The following NIN variants were observed in gnomAD, a reference collection of about 807,000 sequenced individuals.
NIN encodes the protein glycogen synthase kinase 3 beta-interacting protein.
NIN carries 137 observed loss-of-function variants against 257.6 expected under a neutral mutation model. That is an observed-to-expected ratio of 0.53 (90% confidence interval 0.46 to 0.61). The LOEUF is 0.61. Among genes scored for constraint, NIN ranks in the 20% least tolerant of loss-of-function variants. The pLI is 0.00. For synonymous variants in NIN, 918 were observed against 919.8 expected, an observed-to-expected ratio of 1.00 and a Z score of 0.04; for missense variants, 2,439 against 2,501.2, an observed-to-expected ratio of 0.98 and a Z score of 0.53.
At chr14:50,827,323 G>A (rs755151932) in intron 2 of NIN, among the ~76,000 whole-genome samples, 1 of 152,214 alleles carries the variant, frequency 6.6e-6, no homozygotes, top group East Asian at 1.9e-4. Context: ...CTGTCAGAAT[G>A]CCTCCTCTCT....
chr14:50,751,213 A>G (rs2041775158), intron 21 of NIN, among the ~76,000 whole-genome samples: 1 of 152,190 alleles, frequency 6.6e-6, no homozygotes, highest in Non-Finnish European at 1.5e-5. Context: ...TTGCAATTAG[A>G]AACAGTGCTG....
rs567459489 is a variant in NIN, at chr14:50,787,559, G to C, written c.435+5153C>G. Among the ~76,000 whole-genome samples, 10 of 152,254 alleles carry C rather than the reference G, an allele frequency of 6.6e-5. No individual in the cohort carries two copies. The South Asian group carries it at 2.1e-3, about 32-fold the overall frequency. ...TCAAGAAGGTGCCCTTTGTTAGTCT[G>C]GATTAATTCAGAATAGAAATGGCCA... On this transcript the variant is annotated intron_variant, in intron 5 of 30. Transcript: ENST00000530997.
chr14:50,794,533 G>C, intron 4 of NIN: 12 of 965,622 alleles, frequency 1.2e-5, no homozygotes, highest in Non-Finnish European at 1.5e-5. Flanking sequence ...ATGCTAGTCA[G>C]ATAAGAGGCA....
At chr14:50,731,112 T>C (rs1057383515) in intron 28 of NIN, 1 of 315,832 alleles carries the variant, frequency 3.2e-6, no homozygotes, top group Non-Finnish European at 6.2e-6. Context: ...TAAGAGCATA[T>C]GAAAGACACA....
At chr14:50,815,591 A>G (rs2044854488) in intron 3 of NIN, among the ~76,000 whole-genome samples, 1 of 152,252 alleles carries the variant, frequency 6.6e-6, no homozygotes, top group Non-Finnish European at 1.5e-5. Context: ...ATATGCATGC[A>G]TATGTTCATT....
intron 3 of NIN, among the ~76,000 whole-genome samples, chr14:50,816,213 AGGT>A (rs1480259422): frequency 1.4e-5 from 2 of 147,924 alleles, no homozygotes; most frequent in Non-Finnish European, 3.0e-5. Flanking sequence ...TGGACCTGTG[AGGT>A]GGGGGGAGGG....
chr14:50,792,713 T>A lies in NIN; in HGVS notation c.434A>T (p.Glu145Val), dbSNP rs1349605245. The A allele has an allele frequency of 6.2e-7, 1 of 1,614,126 alleles. No individual in the cohort carries two copies. The highest frequency in any genetic ancestry group is 1.7e-5 in the Admixed American group (1 of 60,018). The change falls in exon 5 of 31, where the codon GAG becomes GTG. Residue 145 changes from glutamate (E) to valine (V), a missense_variant and splice_region_variant. By Grantham distance (121) the Glu-to-Val change is moderately radical (BLOSUM62 -2). This residue lies in a region of NIN where 387 missense variants were observed against 427.3 expected (regional missense o/e 0.91). Coordinates refer to ENST00000530997, the MANE Select transcript of NIN (RefSeq NM_020921.4). ...PSHIPAGDCS[E>V]HWKTQRSEEY... ...GAACGTGCATGCCCGATTCCTTACC[T>A]CACTGCAGTCACCGGCTGGGATGTG...
intron 4 of NIN, among the ~76,000 whole-genome samples, chr14:50,797,264 G>A (rs1319094433): frequency 6.6e-6 from 1 of 152,172 alleles, no homozygotes; most frequent in East Asian, 1.9e-4. Flanking sequence ...AAAATGACCT[G>A]AGGCCATTTC....
At position 50,745,203 on chromosome 14, in the gene NIN, C is replaced by T. The variant is rs568448397; in HGVS notation, c.5065-838G>A. Among the ~76,000 whole-genome samples the T allele has an allele frequency of 8.5e-5, 13 of 152,212 alleles. No homozygotes were observed. The East Asian group carries it at 1.9e-3, about 23-fold the overall frequency. The stretch of plus-strand genomic sequence containing the variant: ...ATTTTGGGCTGGATAATTCTTCAGG[C>T]GTTGGGGGTCGCGGGGCATTCTGGA... On this transcript the variant is annotated intron_variant, in intron 22 of 30. Transcript: ENST00000530997.
chr14:50,781,482 T>A (rs1318291168), intron 5 of NIN, among the ~76,000 whole-genome samples: 1 of 152,242 alleles, frequency 6.6e-6, no homozygotes, highest in Non-Finnish European at 1.5e-5. Flanking sequence ...GATGCTCCAA[T>A]ATACTGTTTC....
At chr14:50,760,493 T>C (rs888921612) in intron 16 of NIN, 134 bp from the exon 17 acceptor site, 3 of 953,112 alleles carry the variant, frequency 3.1e-6, no homozygotes, top group Admixed American at 2.9e-5. Flanking sequence ...CTATCTTGTT[T>C]TAAAGTAACT....
chr14:50,772,216 A>G, intron 9 of NIN, 85 bp downstream of exon 9: 1 of 1,252,466 alleles, frequency 8.0e-7, no homozygotes, highest in South Asian at 1.6e-5. Context: ...AAGAAAGAAA[A>G]TCAAATCACA....
chr14:50,727,534 T>C, intron 29 of NIN: 1 of 1,247,184 alleles, frequency 8.0e-7, no homozygotes, highest in Non-Finnish European at 1.0e-6. Context: ...GACATAATAC[T>C]GCAAAGGTTT....
In NIN at chr14:50,811,165, G is replaced by A. The variant is rs1397628062; in HGVS notation, c.184-4347C>T. ...CTCTTGTCACCCAGGCTGGAGTGCA[G>A]TGGCGCAATCTTGGCTCACTGCAAC... On this transcript the variant is annotated intron_variant, in intron 3 of 30. Coordinates refer to ENST00000530997, the MANE Select transcript of NIN (RefSeq NM_020921.4). Among the ~76,000 whole-genome samples the A allele has an allele frequency of 7.3e-5, 11 of 150,056 alleles. No homozygotes were observed. The East Asian group carries it at 1.8e-3, about 25-fold the overall frequency.
Position 50,720,423 on chromosome 14 carries a change from G to A in NIN, c.*3040C>T. 4.7e-6 allele frequency: 1 copy of A among 212,050 alleles called. No homozygotes were observed. Among genetic ancestry groups the A allele is most frequent in the Non-Finnish European group, 9.6e-6 (1 of 104,526 alleles). 13.1% of individuals were successfully genotyped at this position (212,050 alleles called of 1,614,324 possible). The stretch of plus-strand genomic sequence containing the variant: ...AATTCATTTCTCACATGTTAAAAAA[G>A]CAAAGTCTGCCATAAACCCTTAGAG... On this transcript the variant is annotated 3_prime_UTR_variant, in exon 31 of 31. Coordinates refer to ENST00000530997, the MANE Select transcript of NIN (RefSeq NM_020921.4).
intron 3 of NIN, among the ~76,000 whole-genome samples, chr14:50,811,508 T>A (rs764341372): frequency 6.7e-6 from 1 of 148,510 alleles, no homozygotes; most frequent in African/African-American, 2.5e-5. Context: ...CTCTTGTATA[T>A]GATAAAACTA....
intron 9 of NIN, among the ~76,000 whole-genome samples, 199 bp from the exon 10 acceptor site, chr14:50,771,667 GTTAT>G (rs2042737659): frequency 6.7e-6 from 1 of 150,336 alleles, no homozygotes; most frequent in African/African-American, 2.4e-5. Context: ...GCATAACATG[GTTAT>G]TTGTGTTAAA....
chr14:50,826,119 G>C (rs1306947882), intron 2 of NIN, among the ~76,000 whole-genome samples: 1 of 152,218 alleles, frequency 6.6e-6, no homozygotes, highest in African/African-American at 2.4e-5. Flanking sequence ...GTGCTTTTCA[G>C]GGTCAGATCC....
chr14:50,789,822 A>T (rs1268953080), intron 5 of NIN, among the ~76,000 whole-genome samples: 1 of 152,204 alleles, frequency 6.6e-6, no homozygotes, highest in African/African-American at 2.4e-5. Context: ...TCTATAGGCC[A>T]ACAGAATGGC....
Sources: allele counts gnomAD v4.1 joint callset (sites outside exome capture counted in the v4.1 genomes callset), GRCh38; gene constraint gnomAD v4.1.1; regional missense constraint gnomAD v4.1.1; transcripts MANE v1.5; gene names NCBI Gene and HGNC (gene_info 2026-07-23, HGNC 2026-07-21).